DENND2B: variants seen among roughly 807,000 people sequenced by gnomAD.
The protein encoded by DENND2B is DENN domain-containing protein 2B.
In DENND2B, 32 loss-of-function variants were observed where a neutral mutation model predicts 116.0. The observed-to-expected ratio is 0.28, with a 90% CI of 0.21 to 0.37. The LOEUF is 0.37. Ranked by LOEUF, DENND2B falls within the 10% of genes least tolerant of loss-of-function variation. The probability of loss-of-function intolerance (pLI) is 1.00; values close to 1 mark genes in which losing one functional copy is unlikely to be tolerated. For missense variants in DENND2B, 1,276 were observed against 1,477.7 expected, an observed-to-expected ratio of 0.86 and a Z score of 2.24; for synonymous variants, 588 against 583.9, an observed-to-expected ratio of 1.01 and a Z score of -0.10.
intron 2 of DENND2B, among the ~76,000 whole-genome samples, chr11:8,878,393 T>C (rs1440046379): frequency 6.6e-6 from 1 of 151,490 alleles, no homozygotes; most frequent in South Asian, 2.1e-4. Flanking sequence ...TGAATGAATT[T>C]TTTTTTTTTT....
chr11:8,712,637 G>A lies in DENND2B; in HGVS notation c.2086C>T (p.Leu696Phe). 6.3e-7 allele frequency: 1 copy of A among 1,576,776 alleles called. No individual in the cohort carries two copies. Among genetic ancestry groups the A allele is most frequent in the South Asian group, 1.2e-5 (1 of 86,032 alleles). Residue 696 changes from leucine (L) to phenylalanine (F), a missense_variant, in exon 9 of 20, where the codon CTT (leucine) becomes TTT (phenylalanine). Around this residue, in one of 2 missense-constraint regions of DENND2B, gnomAD observed 420 missense variants for 631.1 expected, o/e 0.67. Transcript: ENST00000313726. The surrounding 1 kb of genome is among the most constrained non-coding windows in gnomAD (Gnocchi z 4.4). ...GACACCACCACAAAGTACTCAAAAAGCTCCCGCTCCTGCCACTCCAGCAGC... is the reference window on the plus strand; with the variant it reads ...GACACCACCACAAAGTACTCAAAAAACTCCCGCTCCTGCCACTCCAGCAGC... ...LELLEWQERE[L>F]FEYFVVVSLK...
Position 8,721,820 on chromosome 11 carries a change from A to G in DENND2B, c.1478-3928T>C, listed in dbSNP as rs75482526. On this transcript the variant is annotated intron_variant, in intron 4 of 19. Transcript: ENST00000313726. ...AGCAACCAGAGAGAGTGGAGGCTCA[A>G]AAGACTTTGCAGTCCAGGCTGACTG... Among the ~76,000 whole-genome samples, 125 of 152,358 alleles carry G rather than the reference A, an allele frequency of 8.2e-4. 1 individual carries two copies. Among genetic ancestry groups the G allele is most frequent in the Middle Eastern group, 3.4e-3 (1 of 294 alleles).
chr11:8,886,868 G>T (rs187740427), intron 1 of DENND2B, among the ~76,000 whole-genome samples: 2 of 151,856 alleles, frequency 1.3e-5, no homozygotes, highest in Admixed American at 1.3e-4. Flanking sequence ...CACTCTTGTT[G>T]CCCAGGCTGG....
At chr11:8,789,316 G>T (rs1278471875) in intron 1 of DENND2B, among the ~76,000 whole-genome samples, 2 of 152,156 alleles carry the variant, frequency 1.3e-5, no homozygotes, top group African/African-American at 4.8e-5. Context: ...CTCTACTTTG[G>T]TTATGCTTGG....
rs11042053 is a variant in DENND2B at position 8,729,932 on chromosome 11, C to A, written c.1340+18G>T. The A allele has an allele frequency of 2.5e-6, 4 of 1,611,760 alleles. No individual in the cohort carries two copies. The East Asian group carries it at 6.7e-5, about 27-fold the overall frequency. ...GCCACGGTATTCAGCTACAACACAC[C>A]GGAGGGGCATGCATTACCTGCTCTG... On this transcript the variant is annotated intron_variant, in intron 3 of 19. Coordinates refer to ENST00000313726, the MANE Select transcript of DENND2B (RefSeq NM_213618.2).
Position 8,714,029 on chromosome 11 carries a change from C to T in DENND2B, c.1956G>A (p.Glu652=). Residue 652 remains glutamate (E), a synonymous_variant, in exon 8 of 20, where the codon GAG becomes GAA. Coordinates refer to ENST00000313726, the MANE Select transcript of DENND2B (RefSeq NM_213618.2). ...ETASLRDENS[E]SESDSDDRFK... ...ACCTGTCATCAGAGTCGCTCTCGCTCTCACTGTTTTCATCTGGAAAAGGAA... is the reference window on the plus strand; with the variant it reads ...ACCTGTCATCAGAGTCGCTCTCGCTTTCACTGTTTTCATCTGGAAAAGGAA... 1 of 1,614,124 alleles carries T rather than the reference C, an allele frequency of 6.2e-7. No homozygotes were observed. Among genetic ancestry groups the T allele is most frequent in the Non-Finnish European group, 8.5e-7 (1 of 1,180,028 alleles).
chr11:8,736,266 G>T (rs1194309373), intron 2 of DENND2B, among the ~76,000 whole-genome samples: 1 of 152,122 alleles, frequency 6.6e-6, no homozygotes, highest in Non-Finnish European at 1.5e-5. Context: ...TGGGAGGACT[G>T]CTAGAGCCTG....
intron 1 of DENND2B, among the ~76,000 whole-genome samples, chr11:8,796,681 G>C (rs528839786): frequency 9.9e-5 from 15 of 151,984 alleles, no homozygotes; most frequent in Non-Finnish European, 8.8e-5. Flanking sequence ...AGGAAATCAG[G>C]GTTTATTTAC....
intron 4 of DENND2B, among the ~76,000 whole-genome samples, chr11:8,724,395 A>G (rs2046735010): frequency 6.6e-6 from 1 of 152,182 alleles, no homozygotes; most frequent in Non-Finnish European, 1.5e-5. Context: ...CACATTCTTC[A>G]GATTCAAGGC....
At chr11:8,857,641 G>A (rs899329160) in intron 2 of DENND2B, among the ~76,000 whole-genome samples, 2 of 152,170 alleles carry the variant, frequency 1.3e-5, no homozygotes, top group Non-Finnish European at 2.9e-5. Flanking sequence ...CTGCCTCTGG[G>A]CCTTTGCTCA....
At chr11:8,905,037 A>G (rs945726032) in intron 1 of DENND2B, among the ~76,000 whole-genome samples, 1 of 152,160 alleles carries the variant, frequency 6.6e-6, no homozygotes, top group Non-Finnish European at 1.5e-5. Flanking sequence ...GTTACACAGA[A>G]GTTGACAAAC....
At chr11:8,822,506 T>C (rs1181217967) in intron 4 of DENND2B, among the ~76,000 whole-genome samples, 2 of 152,214 alleles carry the variant, frequency 1.3e-5, no homozygotes, top group African/African-American at 4.8e-5. Context: ...ATTTCAAAAG[T>C]GGACTCTTTC....
chr11:8,826,516 T>C (rs1280624076), intron 4 of DENND2B, among the ~76,000 whole-genome samples: 2 of 152,184 alleles, frequency 1.3e-5, no homozygotes, highest in South Asian at 2.1e-4. Context: ...GATATAGACA[T>C]ACCAGCTTAT....
chr11:8,702,515 C>G lies in DENND2B; in HGVS notation c.2720+57G>C, dbSNP rs983641007. 5.0e-6 allele frequency: 8 copies of G among 1,601,080 alleles called. No individual in the cohort carries two copies. Among genetic ancestry groups the G allele is most frequent in the East Asian group, 2.2e-5 (1 of 44,746 alleles). ...TTAGGCTCCTGAACACTTGCTGATT[C>G]GCTTGTGGGTGTGCCTTCCCCCCTC... On this transcript the variant is annotated intron_variant, in intron 14 of 19. Transcript: ENST00000313726. This position sits in a 1 kb window ranked among gnomAD's most constrained non-coding sequence, Gnocchi z 4.6.
At chr11:8,794,367 A>C (rs929014912) in intron 1 of DENND2B, among the ~76,000 whole-genome samples, 1 of 152,184 alleles carries the variant, frequency 6.6e-6, no homozygotes, top group Non-Finnish European at 1.5e-5. Flanking sequence ...CGCAAAATAG[A>C]CGACAGCTGT....
intron 2 of DENND2B, among the ~76,000 whole-genome samples, chr11:8,863,390 G>A (rs549237896): frequency 2.7e-5 from 4 of 145,634 alleles, no homozygotes; most frequent in Admixed American, 1.4e-4. Context: ...ACGCTGCCAC[G>A]CCTGGCTAAT....
chr11:8,759,921 A>T (rs778839291), intron 1 of DENND2B, among the ~76,000 whole-genome samples: 3 of 152,176 alleles, frequency 2.0e-5, no homozygotes, highest in Non-Finnish European at 2.9e-5. Context: ...AATGCAACTA[A>T]ATCAGGATGA....
chr11:8,869,466 C>T (rs1338206192), intron 2 of DENND2B, among the ~76,000 whole-genome samples: 1 of 152,064 alleles, frequency 6.6e-6, no homozygotes, highest in Non-Finnish European at 1.5e-5. Flanking sequence ...ACTTTGAGAC[C>T]AGCCTGGCCA....
intron 1 of DENND2B, among the ~76,000 whole-genome samples, chr11:8,778,807 G>A (rs1014725059): frequency 1.1e-4 from 16 of 152,314 alleles, no homozygotes; most frequent in African/African-American, 3.6e-4. Flanking sequence ...GATTACTGTC[G>A]AAAGGCAGAG....
Sources: allele counts gnomAD v4.1 joint callset (sites outside exome capture counted in the v4.1 genomes callset), GRCh38; gene constraint gnomAD v4.1.1; regional missense constraint gnomAD v4.1.1; non-coding constraint Gnocchi (gnomAD v3.1); transcripts MANE v1.5; gene names NCBI Gene and HGNC (gene_info 2026-07-23, HGNC 2026-07-21).